SH3TC2: variants seen among roughly 807,000 people sequenced by gnomAD.
The protein encoded by SH3TC2 is SH3 domain and tetratricopeptide repeat-containing protein 2.
Under a neutral mutation model 124.5 loss-of-function variants are expected in SH3TC2, and 87 were observed. The ratio of observed to expected loss-of-function variants is 0.70; its 90% confidence interval spans 0.59 to 0.84. SH3TC2 has a LOEUF of 0.84. Ranked by LOEUF, SH3TC2 falls within the 40% of genes least tolerant of loss-of-function variation. The probability of loss-of-function intolerance (pLI) is 0.00; values close to 1 mark genes in which losing one functional copy is unlikely to be tolerated. For missense variants in SH3TC2, 1,536 were observed against 1,566.4 expected, an observed-to-expected ratio of 0.98 and a Z score of 0.33; for synonymous variants, 634 against 628.5, an observed-to-expected ratio of 1.01 and a Z score of -0.13.
At position 148,999,740 on chromosome 5, in the gene SH3TC2, C is replaced by T. The variant is rs896284286; in HGVS notation, c.*4971G>A. ...AATGTGTTTTCTACCTTCTCCACTG[C>T]TGCCCTAATCTAGTCTCATGCTGCT... is the stretch of plus-strand genomic sequence containing the variant. On this transcript the variant is annotated 3_prime_UTR_variant, in exon 17 of 17. Transcript: ENST00000515425. Among the ~76,000 whole-genome samples, 1 of 152,202 alleles carries T rather than the reference C, an allele frequency of 6.6e-6. No individual in the cohort carries two copies. Among genetic ancestry groups the T allele is most frequent in the Admixed American group, 6.5e-5 (1 of 15,276 alleles).
Position 148,986,457 on chromosome 5 carries a change from T to A in SH3TC2, c.*18254A>T, listed in dbSNP as rs1036098205. 3.9e-5 allele frequency among the ~76,000 whole-genome samples: 6 copies of A among 152,146 alleles called. No homozygotes were observed. The highest frequency in any genetic ancestry group is 1.3e-4 in the Admixed American group (2 of 15,264). On this transcript the variant is annotated 3_prime_UTR_variant, in exon 17 of 17. Transcript: ENST00000515425. ...GTAACCCCACTCACTCCCTATTACA[T>A]CTCCTTGTCTTACTTTTATCATAGC...
chr5:149,025,422 T>C (rs545108293), intron 12 of SH3TC2, among the ~76,000 whole-genome samples: 1 of 152,066 alleles, frequency 6.6e-6, no homozygotes, highest in Non-Finnish European at 1.5e-5. Context: ...TGCAAAAAAA[T>C]ATATATATAG....
rs749214523 is a variant in SH3TC2 at position 149,038,275 on chromosome 5, T to C, written c.1001+20A>G. On this transcript the variant is annotated intron_variant, in intron 8 of 16. Coordinates refer to ENST00000515425, the MANE Select transcript of SH3TC2 (RefSeq NM_024577.4). ...GGAAAGGGAGCCCAGCTCCAGGACATGCTCACTGTCAATACTCACATTGGG... is the reference window on the plus strand; with the variant it reads ...GGAAAGGGAGCCCAGCTCCAGGACACGCTCACTGTCAATACTCACATTGGG... 3 of 1,610,706 alleles carry C rather than the reference T, an allele frequency of 1.9e-6. No individual in the cohort carries two copies. The highest frequency in any genetic ancestry group is 2.5e-6 in the Non-Finnish European group (3 of 1,177,094).
intron 1 of SH3TC2, 27 bp from the exon 2 acceptor site, chr5:149,052,267 C>G (rs762304886): frequency 1.3e-6 from 2 of 1,547,968 alleles, no homozygotes; most frequent in Non-Finnish European, 1.8e-6. Context: ...AAAAGGTCAT[C>G]TTAAGAGTGT....
intron 1 of SH3TC2, among the ~76,000 whole-genome samples, chr5:149,053,909 A>C (rs368103054): frequency 6.6e-6 from 1 of 152,220 alleles, no homozygotes; most frequent in South Asian, 2.1e-4. Context: ...TGTGTGCGCT[A>C]GGGAGAAGTA....
At chr5:149,033,460 A>T (rs1270916455) in intron 8 of SH3TC2, among the ~76,000 whole-genome samples, 1 of 152,240 alleles carries the variant, frequency 6.6e-6, no homozygotes, top group Non-Finnish European at 1.5e-5. Flanking sequence ...GAAGCCAGTA[A>T]CAAAAGCAAA....
rs770044245 is a variant in SH3TC2, at chr5:148,995,310, T to C, written c.*9401A>G. Among the ~76,000 whole-genome samples, 3 of 152,246 alleles carry C rather than the reference T, an allele frequency of 2.0e-5. No individual in the cohort carries two copies. Among genetic ancestry groups the C allele is most frequent in the African/African-American group, 4.8e-5 (2 of 41,476 alleles). ...TCTGAAATACTTTAAACCTTGATTC[T>C]ATCACCTGAAAAGGGGAGATAAGGT... On this transcript the variant is annotated 3_prime_UTR_variant, in exon 17 of 17. Coordinates refer to ENST00000515425, the MANE Select transcript of SH3TC2 (RefSeq NM_024577.4).
chr5:148,988,415 A>G lies in SH3TC2; in HGVS notation c.*16296T>C, dbSNP rs549696782. ...GCTGGCTTTGTATAACCAATAAAATATAGCAGATGTGACACTGTGTGACTT... is the reference window on the plus strand; with the variant it reads ...GCTGGCTTTGTATAACCAATAAAATGTAGCAGATGTGACACTGTGTGACTT... On this transcript the variant is annotated 3_prime_UTR_variant, in exon 17 of 17. Transcript: ENST00000515425. Among the ~76,000 whole-genome samples, 1 of 152,354 alleles carries G rather than the reference A, an allele frequency of 6.6e-6. No homozygotes were observed. Among genetic ancestry groups the G allele is most frequent in the South Asian group, 2.1e-4 (1 of 4,832 alleles).
chr5:149,037,535 C>T (rs985567658), intron 8 of SH3TC2, among the ~76,000 whole-genome samples: 6 of 152,206 alleles, frequency 3.9e-5, no homozygotes, highest in South Asian at 4.1e-4. Flanking sequence ...GATCGTTAGA[C>T]ATTTCTGGGG....
At chr5:149,034,946 A>T (rs942132092) in intron 8 of SH3TC2, among the ~76,000 whole-genome samples, 2 of 152,192 alleles carry the variant, frequency 1.3e-5, no homozygotes, top group Non-Finnish European at 2.9e-5. Flanking sequence ...AGTATATGTT[A>T]AGTGTTATAT....
intron 4 of SH3TC2, 87 bp from the exon 5 acceptor site, chr5:149,042,924 G>A (rs2127401007): frequency 1.3e-6 from 2 of 1,525,986 alleles, no homozygotes; most frequent in Non-Finnish European, 1.8e-6. Flanking sequence ...TCCCTCCTGA[G>A]CTTGATTCCC....
At position 149,001,955 on chromosome 5, in the gene SH3TC2, A is replaced by AGG. The variant is rs1465443992; in HGVS notation, c.*2755_*2756insCC. 1.3e-5 allele frequency: 2 copies of AGG among 152,284 alleles called. No homozygotes were observed. Among genetic ancestry groups the AGG allele is most frequent in the Non-Finnish European group, 2.9e-5 (2 of 68,058 alleles). The allele number at this position is 152,284 out of a possible 1,614,324, so 9.4% of individuals were successfully genotyped here. ...AACAGAAGTTCAAGTCAGAAGACAC[A>AGG]GAAGTTTCAACTGATTATAAAGCTC... On this transcript the variant is annotated 3_prime_UTR_variant, in exon 17 of 17. Coordinates refer to ENST00000515425, the MANE Select transcript of SH3TC2 (RefSeq NM_024577.4).
rs555058516 is a variant in SH3TC2 at position 148,991,807 on chromosome 5, T to A, written c.*12904A>T. Among the ~76,000 whole-genome samples, 1 of 152,340 alleles carries A rather than the reference T, an allele frequency of 6.6e-6. No homozygotes were observed. The highest frequency in any genetic ancestry group is 2.1e-4 in the South Asian group (1 of 4,826). Reference sequence around the variant, plus strand: ...CTATACTCACAACAGAAACAGCTGGTGTCAGAGAACTCTACAAATATGGCA... The same window carrying A: ...CTATACTCACAACAGAAACAGCTGGAGTCAGAGAACTCTACAAATATGGCA... On this transcript the variant is annotated 3_prime_UTR_variant, in exon 17 of 17. Coordinates refer to ENST00000515425, the MANE Select transcript of SH3TC2 (RefSeq NM_024577.4).
rs58767790 is a variant in SH3TC2 at position 148,992,116 on chromosome 5, G to A, written c.*12595C>T. On this transcript the variant is annotated 3_prime_UTR_variant, in exon 17 of 17. Transcript: ENST00000515425. ...GAATTCAATCACTAGGTAATAAGAGGTAACAATTGAACATTTAGCTGTTTC... is the reference window on the plus strand; with the variant it reads ...GAATTCAATCACTAGGTAATAAGAGATAACAATTGAACATTTAGCTGTTTC... Among the ~76,000 whole-genome samples the A allele has an allele frequency of 4.3e-3, 654 of 152,328 alleles. 3 individuals are homozygous for A. Among genetic ancestry groups the A allele is most frequent in the African/African-American group, 0.015 (631 of 41,582 alleles).
intron 2 of SH3TC2, among the ~76,000 whole-genome samples, chr5:149,049,462 C>T (rs1401512889): frequency 2.0e-5 from 3 of 152,176 alleles, no homozygotes; most frequent in Admixed American, 6.5e-5. Flanking sequence ...ACCTATCCCA[C>T]AGGGGTTTTA....
At chr5:149,049,545 G>A (rs765795194) in intron 2 of SH3TC2, among the ~76,000 whole-genome samples, 3 of 152,250 alleles carry the variant, frequency 2.0e-5, no homozygotes, top group Admixed American at 6.5e-5. Flanking sequence ...GGGAGGAGGA[G>A]CACTTAAGCT....
rs1367453627 is a variant in SH3TC2 at position 149,041,476 on chromosome 5, G to T, written c.671C>A (p.Thr224Lys). 4 of 1,613,946 alleles carry T rather than the reference G, an allele frequency of 2.5e-6. No homozygotes were observed. In the East Asian group the frequency reaches 6.7e-5, roughly 27 times the overall value. ...GSELEGVSLV[T>K]GQRGLVLVSA... The stretch of plus-strand genomic sequence containing the variant: ...CACCAGTACCAGGCCCCGCTGACCT[G>T]TCACCAAAGACACGCCTTCCAACTC... The change falls in exon 6 of 17, where the codon ACA becomes AAA. Residue 224 changes from threonine (T) to lysine (K), a missense_variant. Thr to Lys is a moderately conservative substitution (Grantham distance 78, BLOSUM62 -1). This residue lies in a region of SH3TC2 where 1,102 missense variants were observed against 1,098.6 expected (regional missense o/e 1.00). Transcript: ENST00000515425.
intron 3 of SH3TC2, 172 bp downstream of exon 3, chr5:149,047,685 ACTCCT>A (rs1367089642): frequency 2.4e-6 from 2 of 845,304 alleles, no homozygotes; most frequent in South Asian, 1.5e-5. Context: ...GTTCCTGCCC[ACTCCT>A]CTCCACTCCT....
chr5:149,009,860 T>A (rs1753754962), intron 14 of SH3TC2, among the ~76,000 whole-genome samples: 1 of 152,150 alleles, frequency 6.6e-6, no homozygotes, highest in African/African-American at 2.4e-5. Context: ...ACATGCTTAT[T>A]AAAAATATGA....
Sources: allele counts gnomAD v4.1 joint callset (sites outside exome capture counted in the v4.1 genomes callset), GRCh38; gene constraint gnomAD v4.1.1; regional missense constraint gnomAD v4.1.1; transcripts MANE v1.5; gene names NCBI Gene and HGNC (gene_info 2026-07-23, HGNC 2026-07-21).